PEX5L: variants seen among roughly 807,000 people sequenced by gnomAD.
PEX5L encodes peroxisomal biogenesis factor 5 like.
A neutral mutation model predicts 84.0 loss-of-function variants in PEX5L; 30 were observed. The ratio of observed to expected loss-of-function variants is 0.36; its 90% CI spans 0.27 to 0.48. The LOEUF (loss-of-function observed/expected upper bound fraction) is 0.48, where lower values mean the gene tolerates loss of function less well. Among genes scored for constraint, PEX5L ranks in the 20% least tolerant of loss-of-function variants. The probability of loss-of-function intolerance (pLI) is 0.99; values close to 1 mark genes in which losing one functional copy is unlikely to be tolerated. For synonymous variants in PEX5L, 270 were observed against 283.1 expected (o/e 0.95, Z 0.46); for missense variants, 533 against 754.6 (o/e 0.71, Z 3.44).
intron 8 of PEX5L, 78 bp downstream of exon 8, chr3:179,858,984 T>C (rs1156392986): frequency 1.2e-6 from 1 of 859,570 alleles, no homozygotes; most frequent in Non-Finnish European, 2.0e-6. Context: ...ATTTCATTTC[T>C]ATCTTGCTGA....
chr3:179,815,822 GCCCTTT>G, intron 10 of PEX5L, 33 bp downstream of exon 10: 1 of 1,608,214 alleles, frequency 6.2e-7, no homozygotes. Context: ...GTTAGCACAT[GCCCTTT>G]CTGAGTCTGG....
At chr3:179,931,086 A>G (rs1772973022) in intron 2 of PEX5L, among the ~76,000 whole-genome samples, 1 of 152,232 alleles carries the variant, frequency 6.6e-6, no homozygotes, top group Non-Finnish European at 1.5e-5. Flanking sequence ...ATACAGAAAT[A>G]AATGATACAT....
chr3:179,973,248 A>T, intron 1 of PEX5L: 2 of 1,288,926 alleles, frequency 1.6e-6, no homozygotes, highest in Non-Finnish European at 2.0e-6. Flanking sequence ...TCACTGTCAG[A>T]CATCCCAGAA....
chr3:179,836,526 G>A (rs1465301880), intron 8 of PEX5L, among the ~76,000 whole-genome samples: 1 of 152,154 alleles, frequency 6.6e-6, no homozygotes, highest in African/African-American at 2.4e-5. Flanking sequence ...TCAGGAGAGA[G>A]AGAAGAGACA....
At chr3:179,894,281 A>C (rs1029235890) in intron 3 of PEX5L, among the ~76,000 whole-genome samples, 1 of 152,122 alleles carries the variant, frequency 6.6e-6, no homozygotes, top group Non-Finnish European at 1.5e-5. Flanking sequence ...AATCATTACC[A>C]TGCAACCGCT....
chr3:179,999,932 C>A (rs1028573158), intron 1 of PEX5L, among the ~76,000 whole-genome samples: 1 of 152,156 alleles, frequency 6.6e-6, no homozygotes, highest in African/African-American at 2.4e-5. Flanking sequence ...CAATACTTTG[C>A]AAGCCTGGGG....
At chr3:180,007,403 T>C (rs1171785633) in intron 1 of PEX5L, among the ~76,000 whole-genome samples, 1 of 152,254 alleles carries the variant, frequency 6.6e-6, no homozygotes, top group African/African-American at 2.4e-5. Flanking sequence ...GCATTGCATG[T>C]CTGCGGCTTT....
At chr3:179,957,885 T>C (rs1307659189) in intron 2 of PEX5L, among the ~76,000 whole-genome samples, 1 of 152,214 alleles carries the variant, frequency 6.6e-6, no homozygotes, top group Non-Finnish European at 1.5e-5. Flanking sequence ...CAGTATTGTG[T>C]ACTGCCCCAG....
chr3:179,914,630 A>T (rs1766376117), intron 2 of PEX5L, among the ~76,000 whole-genome samples: 1 of 152,148 alleles, frequency 6.6e-6, no homozygotes, highest in Non-Finnish European at 1.5e-5. Flanking sequence ...TCTGCCTAAG[A>T]CTCTTTGAGG....
chr3:179,876,067 G>A (rs1174628034), intron 5 of PEX5L, among the ~76,000 whole-genome samples: 1 of 152,150 alleles, frequency 6.6e-6, no homozygotes, highest in Non-Finnish European at 1.5e-5. Context: ...GGACAGCCAA[G>A]GGAATGCTGG....
At chr3:179,892,706 G>A (rs1215683919) in intron 3 of PEX5L, among the ~76,000 whole-genome samples, 1 of 152,168 alleles carries the variant, frequency 6.6e-6, no homozygotes, top group Non-Finnish European at 1.5e-5. Flanking sequence ...TCTTTTAAAT[G>A]TTTGGAGACC....
At chr3:179,893,774 C>A (rs1758330639) in intron 3 of PEX5L, among the ~76,000 whole-genome samples, 1 of 152,026 alleles carries the variant, frequency 6.6e-6, no homozygotes, top group Non-Finnish European at 1.5e-5. Context: ...AAACAGCTGA[C>A]AAATATCTCA....
At chr3:179,928,490 C>T (rs1292394540) in intron 2 of PEX5L, among the ~76,000 whole-genome samples, 1 of 152,132 alleles carries the variant, frequency 6.6e-6, no homozygotes, top group Non-Finnish European at 1.5e-5. Context: ...AAGCTTCAAA[C>T]AATGTGTCGA....
intron 2 of PEX5L, among the ~76,000 whole-genome samples, chr3:179,930,474 G>C (rs546768825): frequency 6.6e-6 from 1 of 152,286 alleles, no homozygotes; most frequent in South Asian, 2.1e-4. Flanking sequence ...CTGGCCAATG[G>C]TGTCAGTACA....
At chr3:179,928,075 G>A (rs1364278517) in intron 2 of PEX5L, among the ~76,000 whole-genome samples, 2 of 152,178 alleles carry the variant, frequency 1.3e-5, no homozygotes, top group East Asian at 3.8e-4. Context: ...TTTTATTTAT[G>A]TTAAGGTTGA....
intron 8 of PEX5L, among the ~76,000 whole-genome samples, chr3:179,847,378 G>A (rs967232398): frequency 1.3e-5 from 2 of 151,996 alleles, no homozygotes; most frequent in Admixed American, 6.6e-5. Context: ...TAAGATCTAA[G>A]GTACTGATGA....
At chr3:180,025,971 A>T (rs2108337758) in intron 1 of PEX5L, among the ~76,000 whole-genome samples, 1 of 152,254 alleles carries the variant, frequency 6.6e-6, no homozygotes, top group East Asian at 1.9e-4. Flanking sequence ...AGGGAGGATA[A>T]GTTCAAGCAA....
At chr3:179,911,269 T>C (rs1236253741) in intron 2 of PEX5L, among the ~76,000 whole-genome samples, 1 of 152,212 alleles carries the variant, frequency 6.6e-6, no homozygotes, top group Non-Finnish European at 1.5e-5. Context: ...AGGGATACCC[T>C]AGCCCAGTGG....
At chr3:179,889,780 G>T (rs1384477978) in intron 3 of PEX5L, among the ~76,000 whole-genome samples, 2 of 152,088 alleles carry the variant, frequency 1.3e-5, no homozygotes, top group Admixed American at 6.5e-5. Flanking sequence ...ATTTTTAAAT[G>T]TTGAGGGACT....
Sources: gnomAD v4.1 joint callset for allele counts (sites outside exome capture counted in the v4.1 genomes callset) on GRCh38, gnomAD v4.1.1 for gene constraint, MANE v1.5 for transcripts, NCBI Gene and HGNC (gene_info 2026-07-23, HGNC 2026-07-21) for gene names.